The following IL2RB variants were observed in gnomAD, a reference collection of about 807,000 sequenced individuals.
IL2RB encodes the protein interleukin 2 receptor subunit beta, also known as interleukin-2 receptor subunit beta.
A neutral mutation model predicts 44.2 loss-of-function variants in IL2RB; 17 were observed. The ratio of observed to expected loss-of-function variants is 0.38; its 90% CI spans 0.26 to 0.58. The LOEUF (loss-of-function observed/expected upper bound fraction) is 0.58, where lower values mean the gene tolerates loss of function less well. IL2RB is among the 20% of genes least tolerant of loss of function. The pLI, the probability that IL2RB is intolerant of heterozygous loss-of-function variation, is 0.63. For missense variants in IL2RB, 624 were observed against 685.5 expected (o/e 0.91, Z 1.00); for synonymous variants, 286 against 297.9 (o/e 0.96, Z 0.41).
chr22:37,149,206 G>A (rs1000869819), intron 1 of IL2RB, among the ~76,000 whole-genome samples: 45 of 152,254 alleles, frequency 3.0e-4, no homozygotes, highest in African/African-American at 1.0e-3. Context: ...CCCAATGTCC[G>A]GAGATGCTTC....
At chr22:37,166,357 G>A (rs777434481) in intron 1 of IL2RB, among the ~76,000 whole-genome samples, 4 of 152,204 alleles carry the variant, frequency 2.6e-5, no homozygotes, top group African/African-American at 9.7e-5. Flanking sequence ...GCACCGCTGC[G>A]TGTGTTGTAC....
At position 37,128,459 on chromosome 22, in the gene IL2RB, G is replaced by T. The variant is rs1921246178; in HGVS notation, c.1293C>A (p.Ser431=). 2 of 1,573,846 alleles carry T rather than the reference G, an allele frequency of 1.3e-6. No homozygotes were observed. The highest frequency in any genetic ancestry group is 1.7e-6 in the Non-Finnish European group (2 of 1,156,732). The change falls in exon 10 of 10, where the codon TCC becomes TCA. Residue 431 remains serine, a synonymous_variant. Transcript: ENST00000216223. This position sits in a 1 kb window ranked among gnomAD's most constrained non-coding sequence, Gnocchi z 4.5. ...FPSRDDLLLF[S]PSLLGGPSPP... ...GGCTGGGGCCACCGAGGAGACTGGG[G>T]GAGAAGAGCAGCAGGTCATCCCTGG...
intron 1 of IL2RB, among the ~76,000 whole-genome samples, chr22:37,165,555 G>A (rs938219292): frequency 6.6e-6 from 1 of 152,160 alleles, no homozygotes; most frequent in Non-Finnish European, 1.5e-5. Context: ...TTAGCTGCAG[G>A]GACAGGAAAT....
intron 6 of IL2RB, among the ~76,000 whole-genome samples, chr22:37,136,947 A>C (rs961648596): frequency 1.2e-4 from 19 of 152,170 alleles, no homozygotes; most frequent in African/African-American, 4.6e-4. Flanking sequence ...TTCCCTGGTC[A>C]CCTGAGTCTG....
intron 1 of IL2RB, among the ~76,000 whole-genome samples, chr22:37,156,375 C>T (rs1922681481): frequency 6.6e-6 from 1 of 152,186 alleles, no homozygotes; most frequent in South Asian, 2.1e-4. Context: ...AAACAGTGAC[C>T]TAAAATAAGA....
At position 37,141,382 on chromosome 22, in the gene IL2RB, C is replaced by T. The variant is rs564662419; in HGVS notation, c.282+1052G>A. ...CTGGGAAGATCCCCCCTTGCCTCCG[C>T]AGGCTCAGAGCTGTCTGTTCCCACT... On this transcript the variant is annotated intron_variant, in intron 4 of 9. Coordinates refer to ENST00000216223, the MANE Select transcript of IL2RB (RefSeq NM_000878.5). This position sits in a 1 kb window ranked among gnomAD's most constrained non-coding sequence, Gnocchi z 4.4. 7.2e-5 allele frequency among the ~76,000 whole-genome samples: 11 copies of T among 152,352 alleles called. No homozygotes were observed. Among genetic ancestry groups the T allele is most frequent in the Admixed American group, 5.9e-4 (9 of 15,310 alleles).
intron 1 of IL2RB, among the ~76,000 whole-genome samples, chr22:37,164,535 A>C (rs1330288314): frequency 2.6e-5 from 4 of 151,880 alleles, no homozygotes; most frequent in East Asian, 3.9e-4. Context: ...TGTGTGGTTT[A>C]AGTTGTGAAG....
intron 1 of IL2RB, among the ~76,000 whole-genome samples, chr22:37,157,149 G>A: frequency 6.6e-6 from 1 of 150,468 alleles, no homozygotes; most frequent in Non-Finnish European, 1.5e-5. Context: ...AAAGCTGCAG[G>A]GGCCCACAGA....
At chr22:37,169,406 T>A (rs2145742776) in intron 1 of IL2RB, among the ~76,000 whole-genome samples, 2 of 152,192 alleles carry the variant, frequency 1.3e-5, no homozygotes, top group Non-Finnish European at 2.9e-5. Flanking sequence ...GGTTCTTGCT[T>A]ACACAGGGGT....
chr22:37,127,725 A>C lies in IL2RB; in HGVS notation c.*371T>G. ...GGAGGCTGGGGCAGAAAACCCAGGG[A>C]AGAGGTCAGGGCAGGGAGCCCTGGA... is the stretch of plus-strand genomic sequence containing the variant. On this transcript the variant is annotated 3_prime_UTR_variant, in exon 10 of 10. Coordinates refer to ENST00000216223, the MANE Select transcript of IL2RB (RefSeq NM_000878.5). 6.0e-6 allele frequency: 1 copy of C among 165,634 alleles called. No individual in the cohort carries two copies. 10.3% of individuals were successfully genotyped at this position (165,634 alleles called of 1,614,324 possible).
intron 1 of IL2RB, among the ~76,000 whole-genome samples, chr22:37,163,223 A>G (rs936889526): frequency 6.6e-6 from 1 of 152,050 alleles, no homozygotes; most frequent in East Asian, 1.9e-4. Flanking sequence ...CAGACTCCAG[A>G]CCAGCCGCAC....
chr22:37,175,083 A>G (rs867567292), upstream of IL2RB: 2 of 152,340 alleles, frequency 1.3e-5, no homozygotes, highest in Middle Eastern at 6.8e-3. Flanking sequence ...GGTCCCTTAT[A>G]CAACCATCAA....
At chr22:37,174,745 G>A (rs368520161) in intron 1 of IL2RB, among the ~76,000 whole-genome samples, 13 of 152,296 alleles carry the variant, frequency 8.5e-5, no homozygotes, top group African/African-American at 2.2e-4. Context: ...AAGTCACAGC[G>A]ATTGGCTGCA....
In IL2RB at chr22:37,128,195, C is replaced by T. The variant is rs1348702363; in HGVS notation, c.1557G>A (p.Gln519=). The T allele has an allele frequency of 1.3e-6, 2 of 1,534,038 alleles. No individual in the cohort carries two copies. The highest frequency in any genetic ancestry group is 2.6e-5 in the South Asian group (2 of 76,938). Residue 519 remains glutamine, a synonymous_variant, in exon 10 of 10, where the codon CAG becomes CAA. Coordinates refer to ENST00000216223, the MANE Select transcript of IL2RB (RefSeq NM_000878.5). The surrounding 1 kb of genome is among the most constrained non-coding windows in gnomAD (Gnocchi z 4.5). Reference sequence around the variant, plus strand: ...GAGCATTAAGGGCCCTGAACTCCCCCTGCCCAGGAGGCCTGGACCAGGGGA... The same window carrying T: ...GAGCATTAAGGGCCCTGAACTCCCCTTGCCCAGGAGGCCTGGACCAGGGGA... ...VSFPWSRPPG[Q]GEFRALNARL...
chr22:37,172,384 C>T (rs229501), intron 1 of IL2RB, among the ~76,000 whole-genome samples: 8,536 of 152,226 alleles, frequency 0.056, 817 homozygotes, highest in African/African-American at 0.19. Context: ...CTCCTGGCTG[C>T]GGTCCTGCTT....
chr22:37,139,056 G>A, intron 5 of IL2RB, 61 bp downstream of exon 5: 2 of 1,065,044 alleles, frequency 1.9e-6, no homozygotes, highest in South Asian at 2.6e-5. Context: ...AGATCCCAGA[G>A]GAGGTGGAAG....
chr22:37,162,316 G>A (rs2051582), intron 1 of IL2RB, among the ~76,000 whole-genome samples: 27,009 of 152,026 alleles, frequency 0.18, 2,513 homozygotes, highest in Middle Eastern at 0.21. Flanking sequence ...AGGACAGTAC[G>A]GGAGGTCTTT....
chr22:37,166,144 G>C (rs1923071916), intron 1 of IL2RB, among the ~76,000 whole-genome samples: 1 of 152,190 alleles, frequency 6.6e-6, no homozygotes, highest in Non-Finnish European at 1.5e-5. Context: ...GCACTGGACA[G>C]GGCCCCTCCA....
intron 1 of IL2RB, among the ~76,000 whole-genome samples, chr22:37,167,926 T>G: frequency 6.6e-6 from 1 of 152,134 alleles, no homozygotes; most frequent in South Asian, 2.1e-4. Flanking sequence ...AATCTTGGTG[T>G]TGGGCTGAGG....
Sources: gnomAD v4.1 joint callset for allele counts (sites outside exome capture counted in the v4.1 genomes callset) on GRCh38, gnomAD v4.1.1 for gene constraint, Gnocchi (gnomAD v3.1) non-coding constraint, MANE v1.5 for transcripts, NCBI Gene and HGNC (gene_info 2026-07-23, HGNC 2026-07-21) for gene names.